The following PTPRD variants were observed in gnomAD, a reference collection of about 807,000 sequenced individuals.
The protein encoded by PTPRD is receptor-type tyrosine-protein phosphatase delta.
PTPRD carries 34 observed loss-of-function variants against 214.5 expected under a neutral mutation model. That is an observed-to-expected ratio of 0.16 (90% CI 0.12 to 0.21). The LOEUF is 0.21. PTPRD is among the 10% of genes least tolerant of loss of function. The pLI is 1.00. For missense variants in PTPRD, 2,545 were observed against 2,398.7 expected, an observed-to-expected ratio of 1.06 and a Z score of -1.27; for synonymous variants, 1,128 against 845.7, an observed-to-expected ratio of 1.33 and a Z score of -5.79.
At chr9:9,965,107 C>G (rs1056309014) in intron 4 of PTPRD, among the ~76,000 whole-genome samples, 1 of 152,124 alleles carries the variant, frequency 6.6e-6, no homozygotes, top group African/African-American at 2.4e-5. Context: ...CAACGACACA[C>G]AGAGTCCAAA....
intron 8 of PTPRD, among the ~76,000 whole-genome samples, chr9:9,420,650 A>C (rs550152446): frequency 5.4e-4 from 82 of 152,026 alleles, no homozygotes; most frequent in African/African-American, 1.9e-3. Context: ...AGTTGGAAAC[A>C]ACAAATATCC....
At position 8,598,333 on chromosome 9, in the gene PTPRD, T is replaced by A. The variant is rs73423225; in HGVS notation, c.352+34984A>T. The stretch of plus-strand genomic sequence containing the variant: ...CCAGTATGGTGGCATGCTCCTTTGG[T>A]CCCAGGTATCCCAGTTACTCGGGAG... On this transcript the variant is annotated intron_variant, in intron 14 of 45. Transcript: ENST00000381196. 3.0e-3 allele frequency among the ~76,000 whole-genome samples: 452 copies of A among 152,030 alleles called. 3 individuals carry two copies. The highest frequency in any genetic ancestry group is 0.011 in the African/African-American group (438 of 41,452).
chr9:9,050,895 A>G (rs930725027), intron 10 of PTPRD, among the ~76,000 whole-genome samples: 10 of 152,210 alleles, frequency 6.6e-5, no homozygotes, highest in Admixed American at 6.5e-4. Context: ...AAAACACAAT[A>G]GATATAGGGT....
chr9:9,468,120 T>C (rs2094343145), intron 8 of PTPRD, among the ~76,000 whole-genome samples: 1 of 152,112 alleles, frequency 6.6e-6, no homozygotes. Context: ...TACTGTTAGT[T>C]TCCTCTTTCC....
intron 10 of PTPRD, among the ~76,000 whole-genome samples, chr9:9,104,716 C>T (rs1478544458): frequency 1.3e-5 from 2 of 152,162 alleles, no homozygotes; most frequent in East Asian, 1.9e-4. Flanking sequence ...CTTCCTGCCT[C>T]GCTGATATTA....
At chr9:9,862,171 C>A (rs2209192) in intron 5 of PTPRD, among the ~76,000 whole-genome samples, 1 of 151,454 alleles carries the variant, frequency 6.6e-6, no homozygotes, top group East Asian at 1.9e-4. Flanking sequence ...GTATTAAAGA[C>A]ACCTCTTGCC....
At chr9:9,028,105 G>A (rs2099593214) in intron 10 of PTPRD, among the ~76,000 whole-genome samples, 1 of 151,888 alleles carries the variant, frequency 6.6e-6, no homozygotes, top group Admixed American at 6.6e-5. Flanking sequence ...CACATCCACA[G>A]AGTAACTGCA....
chr9:8,618,921 T>G lies in PTPRD; in HGVS notation c.352+14396A>C, dbSNP rs868102598. 2.7e-4 allele frequency among the ~76,000 whole-genome samples: 38 copies of G among 141,568 alleles called. 1 individual carries two copies. The highest frequency in any genetic ancestry group is 4.8e-4 in the African/African-American group (18 of 37,820). 92.9% of individuals were successfully genotyped at this position (141,568 alleles called of 152,430 possible). On this transcript the variant is annotated intron_variant, in intron 14 of 45. Coordinates refer to ENST00000381196, the MANE Select transcript of PTPRD (RefSeq NM_002839.4). ...GTTTGTCTGTGTTTTTTTGTTTTTT[T>G]TTTTTTTTTTTTTTTTTTACCGGAA...
rs146049110 is a variant in PTPRD at position 9,682,587 on chromosome 9, A to C, written c.-287+51946T>G. On this transcript the variant is annotated intron_variant, in intron 7 of 45. Transcript: ENST00000381196. ...TTGGGGAAAGAAAAGAAGGTAGGGA[A>C]GGGAGTTACCAGCTTGGGAGCTAAG... Among the ~76,000 whole-genome samples, 33 of 151,860 alleles carry C rather than the reference A, an allele frequency of 2.2e-4. No homozygotes were observed. In the East Asian group the frequency reaches 5.1e-3, roughly 23 times the overall value.
chr9:9,305,799 T>C (rs1254188248), intron 9 of PTPRD, among the ~76,000 whole-genome samples: 3 of 152,134 alleles, frequency 2.0e-5, no homozygotes, highest in Non-Finnish European at 2.9e-5. Context: ...ATGTGACAAT[T>C]AGAAGAGGCC....
intron 3 of PTPRD, among the ~76,000 whole-genome samples, chr9:10,235,610 A>G: frequency 6.6e-6 from 1 of 151,968 alleles, no homozygotes; most frequent in East Asian, 1.9e-4. Context: ...ACTGCCAAAC[A>G]CCAGCTGGTC....
At chr9:8,874,441 A>C (rs1250596388) in intron 11 of PTPRD, among the ~76,000 whole-genome samples, 1 of 152,154 alleles carries the variant, frequency 6.6e-6, no homozygotes, top group East Asian at 1.9e-4. Flanking sequence ...GCAGAGTCTA[A>C]TTCTGGGAAA....
chr9:9,118,950 G>A (rs989285969), intron 10 of PTPRD, among the ~76,000 whole-genome samples: 1 of 152,104 alleles, frequency 6.6e-6, no homozygotes, highest in Non-Finnish European at 1.5e-5. Context: ...GGAAGTTAGA[G>A]GGCCTAAAGT....
At chr9:9,886,214 A>G (rs185961328) in intron 5 of PTPRD, among the ~76,000 whole-genome samples, 2 of 152,134 alleles carry the variant, frequency 1.3e-5, no homozygotes, top group East Asian at 3.9e-4. Flanking sequence ...TTATCAATAC[A>G]TGTCTGGCTG....
At chr9:9,528,460 A>T (rs1001603356) in intron 8 of PTPRD, among the ~76,000 whole-genome samples, 3 of 151,138 alleles carry the variant, frequency 2.0e-5, no homozygotes, top group East Asian at 1.9e-4. Context: ...AGAAAGCTTT[A>T]AAAAAAAAGA....
intron 2 of PTPRD, among the ~76,000 whole-genome samples, chr9:10,460,899 T>C (rs369664406): frequency 3.8e-4 from 58 of 152,048 alleles, no homozygotes; most frequent in African/African-American, 1.3e-3. Flanking sequence ...AGAAACGGCA[T>C]CAAATAAAAA....
intron 14 of PTPRD, among the ~76,000 whole-genome samples, chr9:8,593,949 T>C (rs1226337787): frequency 6.6e-6 from 1 of 152,186 alleles, no homozygotes; most frequent in African/African-American, 2.4e-5. Context: ...CCCAGTAGGA[T>C]ACATATATAT....
intron 5 of PTPRD, among the ~76,000 whole-genome samples, chr9:9,855,684 C>T (rs542325847): frequency 3.3e-5 from 5 of 152,270 alleles, no homozygotes; most frequent in South Asian, 4.1e-4. Flanking sequence ...GAACTCCACC[C>T]CTCCAGGAGG....
intron 3 of PTPRD, among the ~76,000 whole-genome samples, chr9:10,331,640 C>T (rs1043157731): frequency 6.6e-6 from 1 of 151,742 alleles, no homozygotes; most frequent in African/African-American, 2.4e-5. Context: ...AGAGGAAATT[C>T]CCCATTTTTG....
Sources: gnomAD v4.1 joint callset for allele counts (sites outside exome capture counted in the v4.1 genomes callset) on GRCh38, gnomAD v4.1.1 for gene constraint, MANE v1.5 for transcripts, NCBI Gene and HGNC (gene_info 2026-07-23, HGNC 2026-07-21) for gene names.